The following NEBL variants were observed in gnomAD, a reference collection of about 807,000 sequenced individuals.
NEBL encodes LIM and SH3 protein 2.
NEBL carries 122 observed loss-of-function variants against 140.2 expected under a neutral mutation model. The ratio of observed to expected loss-of-function variants is 0.87; its 90% CI spans 0.75 to 1.01. NEBL has a LOEUF of 1.01. Among genes scored for constraint, NEBL ranks in the 50% least tolerant of loss-of-function variants. The pLI is 0.00. For synonymous variants in NEBL, 436 were observed against 398.9 expected (o/e 1.09, Z -1.11); for missense variants, 1,365 against 1,231.3 (o/e 1.11, Z -1.62).
At chr10:21,232,645 A>T (rs55928379) in intron 3 of NEBL, among the ~76,000 whole-genome samples, 5,237 of 152,278 alleles carry the variant, frequency 0.034, 116 homozygotes, top group Middle Eastern at 0.048. Context: ...TTCTATGAGA[A>T]TCTAGCACTG....
intron 3 of NEBL, among the ~76,000 whole-genome samples, chr10:21,015,358 C>T (rs545242353): frequency 2.6e-5 from 4 of 152,198 alleles, no homozygotes; most frequent in Non-Finnish European, 4.4e-5. Flanking sequence ...ACCATTTCAA[C>T]GGCTTTGAGA....
chr10:21,145,620 G>A (rs1243193622), intron 2 of NEBL, among the ~76,000 whole-genome samples: 1 of 152,198 alleles, frequency 6.6e-6, no homozygotes, highest in African/African-American at 2.4e-5. Flanking sequence ...CCAAGTGGCT[G>A]TTATTGTGCA....
At chr10:21,094,862 G>A (rs772147642) in intron 2 of NEBL, among the ~76,000 whole-genome samples, 13 of 152,132 alleles carry the variant, frequency 8.5e-5, no homozygotes, top group South Asian at 2.1e-4. Flanking sequence ...TGGCAGTATC[G>A]TAGGAGAGAC....
chr10:20,857,674 G>A (rs149803458), intron 9 of NEBL, among the ~76,000 whole-genome samples: 8 of 152,234 alleles, frequency 5.3e-5, no homozygotes, highest in African/African-American at 1.4e-4. Context: ...GACTGACCAC[G>A]TGGGCAGTGC....
In NEBL at chr10:21,227,653, TTTCTTCTTCTTCTTC is replaced by T. The variant is rs549558619; in HGVS notation, n.348+20253_348+20267del. 1.8e-3 allele frequency among the ~76,000 whole-genome samples: 152 copies of T among 83,284 alleles called. 1 individual carries two copies. The highest frequency in any genetic ancestry group is 2.5e-3 in the Non-Finnish European group (92 of 36,744). The allele number at this position is 83,284 out of a possible 152,430, so 54.6% of individuals were successfully genotyped here. On this transcript the variant is annotated intron_variant and non_coding_transcript_variant, in intron 3 of 8. Coordinates refer to the NEBL transcript ENST00000675702. ...TAAGGGAATTCAAAAGCACTTGAAG[TTTCTTCTTCTTCTTC>T]TTCTTCTTCTTCTTCTTCTTCTTCT...
At chr10:20,789,645 T>G (rs565509377) in intron 26 of NEBL, among the ~76,000 whole-genome samples, 1 of 152,212 alleles carries the variant, frequency 6.6e-6, no homozygotes, top group Admixed American at 6.5e-5. Flanking sequence ...CCCAGAAGTT[T>G]TGAGACCAGC....
rs570194396 is a variant in NEBL at position 21,288,691 on chromosome 10, C to G, written n.182+4139G>C. Among the ~76,000 whole-genome samples the G allele has an allele frequency of 2.9e-3, 408 of 141,446 alleles. 2 individuals carry two copies. Among genetic ancestry groups the G allele is most frequent in the African/African-American group, 9.9e-3 (381 of 38,374 alleles). The allele number at this position is 141,446 out of a possible 152,430, so 92.8% of individuals were successfully genotyped here. ...CAGAGAATTGCTCAAACCCAGGAGGCAGAGGTTGCAGTGAGCCGAACTCAT... is the reference window on the plus strand; with the variant it reads ...CAGAGAATTGCTCAAACCCAGGAGGGAGAGGTTGCAGTGAGCCGAACTCAT... On this transcript the variant is annotated intron_variant and non_coding_transcript_variant, in intron 1 of 8. Transcript: ENST00000675702.
chr10:21,181,962 G>A (rs773360640), intron 3 of NEBL, among the ~76,000 whole-genome samples: 3 of 152,224 alleles, frequency 2.0e-5, no homozygotes, highest in African/African-American at 7.2e-5. Flanking sequence ...TCTGGAGGAA[G>A]TGAGGAGGTG....
intron 5 of NEBL, among the ~76,000 whole-genome samples, chr10:20,874,762 T>C (rs914598534): frequency 2.0e-5 from 3 of 152,090 alleles, no homozygotes; most frequent in African/African-American, 7.2e-5. Flanking sequence ...TTTTTGAAGA[T>C]GAAGTCTTGC....
intron 9 of NEBL, among the ~76,000 whole-genome samples, chr10:20,854,707 G>C (rs1021336169): frequency 1.3e-4 from 19 of 151,478 alleles, no homozygotes; most frequent in African/African-American, 4.6e-4. Flanking sequence ...TGGGGCTATA[G>C]GTGCATGTCA....
chr10:21,154,892 C>T (rs1840279366), intron 2 of NEBL, among the ~76,000 whole-genome samples: 1 of 152,116 alleles, frequency 6.6e-6, no homozygotes, highest in African/African-American at 2.4e-5. Flanking sequence ...TTGATACAGG[C>T]ATACAATGCA....
chr10:21,140,999 C>T (rs10828198), intron 2 of NEBL, among the ~76,000 whole-genome samples: 45,424 of 147,902 alleles, frequency 0.31, 9,804 homozygotes, highest in African/African-American at 0.62. Flanking sequence ...CCATCAATAA[C>T]GGAAACCCTG....
At chr10:20,845,088 T>C (rs1295561318) in intron 12 of NEBL, among the ~76,000 whole-genome samples, 170 bp downstream of exon 12, 1 of 152,052 alleles carries the variant, frequency 6.6e-6, no homozygotes, top group Admixed American at 6.6e-5. Flanking sequence ...AACACACACT[T>C]TCTTGTTTCT....
chr10:21,233,640 T>TTATCTATATATACATATATAGATATA (rs1842296793), intron 3 of NEBL, among the ~76,000 whole-genome samples: 3 of 144,832 alleles, frequency 2.1e-5, no homozygotes, highest in East Asian at 2.0e-4. Flanking sequence ...ATAGAGAGAC[T>TTATCTATATATACATATATAGATATA]TATCTATATA....
In NEBL at chr10:21,033,010, T is replaced by TAC. The variant is rs149596017; in HGVS notation, c.165-12811_165-12810dup. ...TATGGTGTAAAAGGTGAGAAATTAA[T>TAC]ACACACACACACACACCTACATATT... On this transcript the variant is annotated intron_variant, in intron 2 of 6. Transcript: ENST00000417816. 8.7e-3 allele frequency among the ~76,000 whole-genome samples: 1,317 copies of TAC among 151,874 alleles called. 40 individuals carry two copies. The East Asian group carries it at 0.088, about 10-fold the overall frequency.
chr10:21,149,188 G>C (rs897457985), intron 2 of NEBL, among the ~76,000 whole-genome samples: 1 of 152,206 alleles, frequency 6.6e-6, no homozygotes, highest in Non-Finnish European at 1.5e-5. Flanking sequence ...TGAGAACTTC[G>C]GGGCAGCTGT....
intron 2 of NEBL, chr10:21,030,063 C>A: frequency 2.1e-6 from 1 of 480,416 alleles, no homozygotes; most frequent in Non-Finnish European, 4.0e-6. Context: ...GCTAGTACCT[C>A]CCAGTCCGGT....
rs968427010 is a variant in NEBL, at chr10:20,787,106, C to T, written c.2868+96G>A. 6 of 984,582 alleles carry T rather than the reference C, an allele frequency of 6.1e-6. No homozygotes were observed. The African/African-American group carries it at 8.1e-5, about 13-fold the overall frequency. The allele number at this position is 984,582 out of a possible 1,614,324, so 61.0% of individuals were successfully genotyped here. A position where few individuals can be genotyped will look rare whatever the true frequency, so the allele number is the denominator to read the frequency against. ...CATCATTTATCTTTAAATGAAAATACCCAATATTCAATTCAACTCTATTCC... is the reference window on the plus strand; with the variant it reads ...CATCATTTATCTTTAAATGAAAATATCCAATATTCAATTCAACTCTATTCC... On this transcript the variant is annotated intron_variant, in intron 27 of 27. Coordinates refer to ENST00000377122, the MANE Select transcript of NEBL (RefSeq NM_006393.3).
intron 4 of NEBL, 28 bp from the exon 5 acceptor site, chr10:20,880,932 C>T (rs866078378): frequency 6.4e-7 from 1 of 1,554,650 alleles, no homozygotes; most frequent in Non-Finnish European, 8.9e-7. Flanking sequence ...TTTTTAGTCC[C>T]ATTTAGAGGC....
Sources: gnomAD v4.1 joint callset for allele counts (sites outside exome capture counted in the v4.1 genomes callset) on GRCh38, gnomAD v4.1.1 for gene constraint, MANE v1.5 for transcripts, NCBI Gene and HGNC (gene_info 2026-07-23, HGNC 2026-07-21) for gene names.